Variants in KIAA1328 observed in about 807,000 individuals in gnomAD.
KIAA1328 encodes the protein KIAA1328.
KIAA1328 carries 52 observed loss-of-function variants against 68.1 expected under a neutral mutation model. The ratio of observed to expected loss-of-function variants is 0.76; its 90% CI spans 0.61 to 0.96. KIAA1328 has a LOEUF of 0.96. KIAA1328 is among the 40% of genes least tolerant of loss of function. The probability of loss-of-function intolerance (pLI) is 0.00; values close to 1 mark genes in which losing one functional copy is unlikely to be tolerated. For synonymous variants in KIAA1328, 232 were observed against 239.4 expected, an observed-to-expected ratio of 0.97 and a Z score of 0.28; for missense variants, 641 against 677.6, an observed-to-expected ratio of 0.95 and a Z score of 0.60.
chr18:37,103,431 T>C (rs183253895), intron 7 of KIAA1328, among the ~76,000 whole-genome samples: 6 of 152,264 alleles, frequency 3.9e-5, no homozygotes, highest in African/African-American at 1.4e-4. Context: ...TAAACCATTC[T>C]GAGAAAACTG....
At chr18:37,139,822 C>T (rs2058729599) in intron 7 of KIAA1328, among the ~76,000 whole-genome samples, 1 of 152,006 alleles carries the variant, frequency 6.6e-6, no homozygotes, top group Non-Finnish European at 1.5e-5. Context: ...TAAATAAGGC[C>T]CCATTAAAAA....
chr18:36,934,815 A>T (rs1172344197), intron 5 of KIAA1328, among the ~76,000 whole-genome samples: 1 of 152,200 alleles, frequency 6.6e-6, no homozygotes, highest in African/African-American at 2.4e-5. Flanking sequence ...CAAAGCTTGG[A>T]GAAAGGAAAA....
intron 5 of KIAA1328, among the ~76,000 whole-genome samples, chr18:36,903,217 CAGT>C (rs1205482035): frequency 1.3e-5 from 2 of 152,040 alleles, no homozygotes; most frequent in Non-Finnish European, 2.9e-5. Flanking sequence ...AGATGAATAA[CAGT>C]AGGTCTCGTT....
At chr18:37,078,987 C>T (rs991858797) in intron 7 of KIAA1328, among the ~76,000 whole-genome samples, 8 of 151,788 alleles carry the variant, frequency 5.3e-5, no homozygotes, top group Admixed American at 4.6e-4. Flanking sequence ...TGGGTATATA[C>T]CCAAAGGACT....
chr18:36,996,988 C>G (rs1290908773), intron 6 of KIAA1328, among the ~76,000 whole-genome samples: 1 of 152,112 alleles, frequency 6.6e-6, no homozygotes, highest in South Asian at 2.1e-4. Context: ...CACCATGAGA[C>G]ATTCAAATAG....
intron 5 of KIAA1328, among the ~76,000 whole-genome samples, chr18:36,896,372 C>T (rs1219702825): frequency 2.6e-5 from 4 of 151,992 alleles, no homozygotes; most frequent in Non-Finnish European, 5.9e-5. Context: ...ACTTTCCAAG[C>T]TTGATTTTGC....
chr18:37,226,924 C>T (rs376832445), downstream of KIAA1328, among the ~76,000 whole-genome samples: 1 of 152,138 alleles, frequency 6.6e-6, no homozygotes, highest in African/African-American at 2.4e-5. Context: ...TTCGCCACCA[C>T]GCCCAACTAA....
intron 9 of KIAA1328, among the ~76,000 whole-genome samples, chr18:37,208,126 A>T (rs1260448934): frequency 1.3e-5 from 2 of 152,012 alleles, no homozygotes; most frequent in Non-Finnish European, 2.9e-5. Flanking sequence ...ACCTTTTTAA[A>T]ATTTAAATTT....
intron 5 of KIAA1328, among the ~76,000 whole-genome samples, chr18:36,907,408 T>C (rs903518799): frequency 1.3e-5 from 2 of 152,136 alleles, no homozygotes; most frequent in African/African-American, 4.8e-5. Flanking sequence ...CCATTAAGTA[T>C]GATTTTTAGC....
chr18:37,161,634 G>A (rs1329540006), intron 8 of KIAA1328, among the ~76,000 whole-genome samples: 1 of 152,220 alleles, frequency 6.6e-6, no homozygotes, highest in Non-Finnish European at 1.5e-5. Context: ...CTTCAGAAAT[G>A]GAAAACTCTT....
At chr18:36,906,323 A>G (rs2049220153) in intron 5 of KIAA1328, among the ~76,000 whole-genome samples, 1 of 152,078 alleles carries the variant, frequency 6.6e-6, no homozygotes. Flanking sequence ...ACCTTACAAT[A>G]TATTCTATGC....
At chr18:37,072,569 T>G (rs796513227) in intron 7 of KIAA1328, among the ~76,000 whole-genome samples, 4 of 152,296 alleles carry the variant, frequency 2.6e-5, no homozygotes, top group African/African-American at 9.6e-5. Flanking sequence ...TATTTTTTTC[T>G]AATACTTTTT....
chr18:36,842,674 A>ATT (rs112634490), intron 3 of KIAA1328, among the ~76,000 whole-genome samples: 53 of 142,512 alleles, frequency 3.7e-4, no homozygotes, highest in African/African-American at 9.8e-4. Context: ...CTAATTATTT[A>ATT]TTTTTTTTTT....
chr18:37,105,501 GA>G lies in KIAA1328; in HGVS notation c.1232+37976del, dbSNP rs376818867. Among the ~76,000 whole-genome samples the G allele has an allele frequency of 5.0e-3, 501 of 100,332 alleles. 5 individuals carry two copies. Among genetic ancestry groups the G allele is most frequent in the East Asian group, 0.043 (121 of 2,786 alleles). The allele number at this position is 100,332 out of a possible 152,430, so 65.8% of individuals were successfully genotyped here. A position where few individuals can be genotyped will look rare whatever the true frequency, so the allele number is the denominator to read the frequency against. ...AGAATGAGACTCTGTCTTTTTGAAG[GA>G]AAAAAAAAAAAAAAAAAAAGAGCAC... On this transcript the variant is annotated intron_variant, in intron 7 of 9. Transcript: ENST00000280020.
chr18:37,193,052 A>G (rs1426874375), intron 9 of KIAA1328, among the ~76,000 whole-genome samples: 3 of 152,196 alleles, frequency 2.0e-5, no homozygotes, highest in African/African-American at 7.2e-5. Context: ...GCACAGTGAT[A>G]GTCTTTCACC....
In KIAA1328 at chr18:37,015,428, G is replaced by A. The variant is rs530461541; in HGVS notation, c.577-51462G>A. Among the ~76,000 whole-genome samples, 66 of 152,278 alleles carry A rather than the reference G, an allele frequency of 4.3e-4. 1 individual carries two copies. Among genetic ancestry groups the A allele is most frequent in the African/African-American group, 1.6e-3 (66 of 41,558 alleles). On this transcript the variant is annotated intron_variant, in intron 6 of 9. Transcript: ENST00000280020. Reference sequence around the variant, plus strand: ...TTGTAGTATAGTTTGAAGTCAGGTAGTGTAATGCATCCAACTTTGTTCTTT... The same window carrying A: ...TTGTAGTATAGTTTGAAGTCAGGTAATGTAATGCATCCAACTTTGTTCTTT...
chr18:36,833,152 G>A (rs1461137140), intron 1 of KIAA1328: 1 of 152,086 alleles, frequency 6.6e-6, no homozygotes, highest in Non-Finnish European at 1.5e-5. Flanking sequence ...TATGTTCAAT[G>A]ATATTGGTGC....
At chr18:37,015,182 G>A (rs1012391333) in intron 6 of KIAA1328, among the ~76,000 whole-genome samples, 1 of 152,126 alleles carries the variant, frequency 6.6e-6, no homozygotes, top group African/African-American at 2.4e-5. Flanking sequence ...TTTGTATACT[G>A]TGAAAGGTAG....
chr18:36,888,750 G>T (rs1252797044), intron 5 of KIAA1328, among the ~76,000 whole-genome samples: 2 of 151,864 alleles, frequency 1.3e-5, no homozygotes, highest in Admixed American at 6.6e-5. Flanking sequence ...AGTACATAAA[G>T]CTCTATAAAA....
Sources: allele counts gnomAD v4.1 joint callset (sites outside exome capture counted in the v4.1 genomes callset), GRCh38; gene constraint gnomAD v4.1.1; transcripts MANE v1.5; gene names NCBI Gene and HGNC (gene_info 2026-07-23, HGNC 2026-07-21).